GABRE: variants seen among roughly 807,000 people sequenced by gnomAD.
GABRE encodes the protein gamma-aminobutyric acid receptor subunit epsilon.
In GABRE, 20 loss-of-function variants were observed where a neutral mutation model predicts 31.0. The ratio of observed to expected loss-of-function variants is 0.64; its 90% CI spans 0.45 to 0.94. The LOEUF (loss-of-function observed/expected upper bound fraction) is 0.94, where lower values mean the gene tolerates loss of function less well. Among genes scored for constraint, GABRE ranks in the 40% least tolerant of loss-of-function variants. GABRE has a pLI of 0.00. For synonymous variants in GABRE, 155 were observed against 150.6 expected (o/e 1.03, Z -0.21); for missense variants, 420 against 410.7 (o/e 1.02, Z -0.20).
chrX:151,971,141 G>A (rs561098736), intron 1 of GABRE: 364 of 846,904 alleles, frequency 4.3e-4, no homozygotes, highest in Non-Finnish European at 4.7e-4. Flanking sequence ...GAAACTCACC[G>A]ATGGTGTTAG....
intron 6 of GABRE, chrX:151,959,094 C>T: frequency 6.1e-6 from 2 of 327,590 alleles, no homozygotes; most frequent in South Asian, 5.2e-5. Context: ...AGAGTGTTTC[C>T]AGGGTTGCTC....
intron 7 of GABRE, 67 bp from the exon 8 acceptor site, chrX:151,955,634 T>C: frequency 1.7e-6 from 2 of 1,200,810 alleles, no homozygotes; most frequent in Non-Finnish European, 1.1e-6. Context: ...AAAGACTCCA[T>C]GACAAGGCAA....
rs930357704 is a variant in GABRE, at chrX:151,954,841, G to A, written c.1381C>T (p.Pro461Ser). ...KRFKKYFCMV[P>S]DCEGSTWQQG... ...TGCCAGGTACTGCCCTCACAATCGG[G>A]GACCATGCAGAAGTACTTCTTAAAA... The change falls in exon 9 of 9, where the codon CCC (proline) becomes TCC (serine). Residue 461 changes from proline (P) to serine (S), a missense_variant. Coordinates refer to ENST00000370328, the MANE Select transcript of GABRE (RefSeq NM_004961.4). 40 of 1,210,449 alleles carry A rather than the reference G, an allele frequency of 3.3e-5. No homozygotes were observed. The highest frequency in any genetic ancestry group is 4.4e-5 in the Non-Finnish European group (39 of 895,331).
At chrX:151,957,694 TTTC>T (rs1180797738) in intron 6 of GABRE, 3 of 237,053 alleles carry the variant, frequency 1.3e-5, no homozygotes, top group Non-Finnish European at 2.3e-5. Context: ...TAACACACAC[TTTC>T]TTCTTCTTGA....
chrX:151,959,522 G>T (rs1402498564), intron 6 of GABRE: 3 of 372,546 alleles, frequency 8.1e-6, no homozygotes, highest in Non-Finnish European at 1.6e-5. Context: ...CATCCAAAGA[G>T]GTCAGAGTTG....
chrX:151,969,866 ATTTC>A (rs1383094903), intron 2 of GABRE, 130 bp from the exon 3 acceptor site: 4 of 1,090,582 alleles, frequency 3.7e-6, no homozygotes, highest in Non-Finnish European at 4.8e-6. Flanking sequence ...ATCTAATCCT[ATTTC>A]TTTATTTATT....
intron 3 of GABRE, 35 bp downstream of exon 3, chrX:151,969,634 G>A: frequency 8.4e-7 from 1 of 1,185,348 alleles, no homozygotes; most frequent in Non-Finnish European, 1.1e-6. Flanking sequence ...CAGCCCCTGG[G>A]CTAGGAAATA....
chrX:151,973,856 G>A (rs770450182), intron 1 of GABRE, among the ~76,000 whole-genome samples: 1 of 111,058 alleles, frequency 9.0e-6, no homozygotes, highest in Non-Finnish European at 1.9e-5. Flanking sequence ...AATATTCCTG[G>A]CCTCTGGCTC....
intron 1 of GABRE, chrX:151,972,655 A>T: frequency 2.7e-6 from 2 of 753,974 alleles, no homozygotes; most frequent in Non-Finnish European, 3.1e-6. Context: ...CTAGGTCTGC[A>T]ATAAAAATGA....
chrX:151,964,254 C>T (rs1032253014), intron 3 of GABRE, among the ~76,000 whole-genome samples: 2 of 111,524 alleles, frequency 1.8e-5, no homozygotes, highest in African/African-American at 6.5e-5. Context: ...TTTGTAAGTG[C>T]CCTCCTCCTC....
In GABRE at chrX:151,954,660, G is replaced by A; in HGVS notation, c.*41C>T. On this transcript the variant is annotated 3_prime_UTR_variant, in exon 9 of 9. Transcript: ENST00000370328. ...CCTTGGCAAGGGGCTTGGACCTCCT[G>A]GGGAACTGGAGAGGTTGCCCCACAG... 1 of 1,071,575 alleles carries A rather than the reference G, an allele frequency of 9.3e-7. No homozygotes were observed. Among genetic ancestry groups the A allele is most frequent in the Non-Finnish European group, 1.3e-6 (1 of 797,314 alleles). The allele number at this position is 1,071,575 out of a possible 1,213,427, so 88.3% of individuals were successfully genotyped here.
chrX:151,974,438 G>A lies in GABRE; in HGVS notation c.56+132C>T, dbSNP rs1934831634. 5 of 412,040 alleles carry A rather than the reference G, an allele frequency of 1.2e-5. No individual in the cohort carries two copies. The South Asian group carries it at 2.3e-4, about 19-fold the overall frequency. The allele number at this position is 412,040 out of a possible 1,213,427, so 34.0% of individuals were successfully genotyped here. On this transcript the variant is annotated intron_variant, in intron 1 of 8. Transcript: ENST00000370328. ...AGGGGACGCGGGACTCGGCCAGCCC[G>A]CGGTAGGGCCGGGGCAAAGCGGGCG... is the stretch of plus-strand genomic sequence containing the variant.
At position 151,970,348 on chromosome X, in the gene GABRE, G is replaced by T; in HGVS notation, c.111C>A (p.Val37=). ...CCAGAGGCTGGGGCTGGGGGCCATA[G>T]ACAACATCACGGGAAGAGGCTTCAT... ...SKNEASSRDV[V]YGPQPQPLEN... is the part of the protein sequence containing the mutation. Residue 37 remains valine, a synonymous_variant, in exon 2 of 9, where the codon GTC becomes GTA. Coordinates refer to ENST00000370328, the MANE Select transcript of GABRE (RefSeq NM_004961.4). 8.3e-7 allele frequency: 1 copy of T among 1,211,518 alleles called. No homozygotes were observed. The highest frequency in any genetic ancestry group is 1.1e-6 in the Non-Finnish European group (1 of 895,448).
At chrX:151,959,803 C>T (rs755428067) in intron 6 of GABRE, 36 bp downstream of exon 6, 2 of 1,199,555 alleles carry the variant, frequency 1.7e-6, no homozygotes, top group Admixed American at 4.4e-5. Flanking sequence ...ATCCCTACCA[C>T]CTTCCTGGAC....
intron 3 of GABRE, among the ~76,000 whole-genome samples, chrX:151,968,216 C>G (rs182635454): frequency 8.9e-6 from 1 of 112,098 alleles, no homozygotes; most frequent in East Asian, 2.8e-4. Flanking sequence ...TGGATCCCCC[C>G]TCAGTTGAGC....
intron 4 of GABRE, 82 bp downstream of exon 4, chrX:151,962,341 T>A: frequency 1.2e-6 from 1 of 854,793 alleles, no homozygotes; most frequent in Admixed American, 2.4e-5. Context: ...CAGGATGAGA[T>A]CTCTGCCCAT....
In GABRE at chrX:151,955,429, G is replaced by A; in HGVS notation, c.1076C>T (p.Ala359Val). The A allele has an allele frequency of 8.3e-7, 1 of 1,212,047 alleles. No individual in the cohort carries two copies. The highest frequency in any genetic ancestry group is 1.1e-6 in the Non-Finnish European group (1 of 895,534). Residue 359 changes from alanine (A) to valine (V), a missense_variant, in exon 8 of 9, where the codon GCT becomes GTT. Physicochemically the swap from Ala to Val is moderately conservative, Grantham distance 64. Coordinates refer to ENST00000370328, the MANE Select transcript of GABRE (RefSeq NM_004961.4). ...VFCFCALLEFAVLNFLIYNQT... is the reference protein window; with the variant it reads ...VFCFCALLEFVVLNFLIYNQT... ...GTTGTAGATCAGGAAGTTGAGCACA[G>A]CAAACTCCAACAGAGCGCAGAAGCA...
intron 3 of GABRE, chrX:151,969,345 G>A: frequency 5.9e-6 from 1 of 170,231 alleles, no homozygotes. Flanking sequence ...GCAAGAGCTA[G>A]TAACTTTAGA....
At chrX:151,967,434 C>T (rs776136809) in intron 3 of GABRE, among the ~76,000 whole-genome samples, 1 of 111,940 alleles carries the variant, frequency 8.9e-6, no homozygotes, top group African/African-American at 3.2e-5. Context: ...GTAGGAGGCT[C>T]TCTGCCCAGC....
Sources: gnomAD v4.1 joint callset for allele counts (sites outside exome capture counted in the v4.1 genomes callset) on GRCh38, gnomAD v4.1.1 for gene constraint, MANE v1.5 for transcripts, NCBI Gene and HGNC (gene_info 2026-07-23, HGNC 2026-07-21) for gene names.